Variants in TYW1B observed in about 807,000 individuals in gnomAD.
TYW1B encodes S-adenosyl-L-methionine-dependent tRNA 4-demethylwyosine synthase TYW1B.
In TYW1B, 73 loss-of-function variants were observed where a neutral mutation model predicts 86.9. The ratio of observed to expected loss-of-function variants is 0.84; its 90% CI spans 0.70 to 1.02. The LOEUF is 1.02. Among genes scored for constraint, TYW1B ranks in the 50% least tolerant of loss-of-function variants. The probability of loss-of-function intolerance (pLI) is 0.00; values close to 1 mark genes in which losing one functional copy is unlikely to be tolerated. For missense variants in TYW1B, 637 were observed against 827.4 expected (o/e 0.77, Z 2.82); for synonymous variants, 248 against 292.8 (o/e 0.85, Z 1.56).
At chr7:72,724,899 A>G (rs1786970300) in intron 9 of TYW1B, among the ~76,000 whole-genome samples, 1 of 152,192 alleles carries the variant, frequency 6.6e-6, no homozygotes, top group African/African-American at 2.4e-5. Context: ...ATGCATCCAT[A>G]GACGTGCTCT....
rs561671076 is a variant in TYW1B at position 72,648,648 on chromosome 7, A to G, written c.1507-19651T>C. 2.6e-5 allele frequency among the ~76,000 whole-genome samples: 4 copies of G among 152,310 alleles called. No individual in the cohort carries two copies. In the East Asian group the frequency reaches 7.7e-4, roughly 29 times the overall value. ...AGTAGAACCTAAGAAGATCATGCAC[A>G]TCAACTGAATCGTAGGACAGTGTGG... On this transcript the variant is annotated intron_variant, in intron 11 of 13. Coordinates refer to ENST00000620995, the MANE Select transcript of TYW1B (RefSeq NM_001145440.3).
At chr7:72,648,544 G>GA (rs1171338007) in intron 11 of TYW1B, among the ~76,000 whole-genome samples, 3,509 of 75,124 alleles carry the variant, frequency 0.047, 73 homozygotes, top group Middle Eastern at 0.078. Context: ...CTCTGTCTCA[G>GA]AAAAAAAAAA....
chr7:72,711,451 C>T (rs1462992673), intron 10 of TYW1B, among the ~76,000 whole-genome samples: 3 of 124,212 alleles, frequency 2.4e-5, no homozygotes, highest in Non-Finnish European at 3.3e-5. Flanking sequence ...AGCAGCCCTT[C>T]GTGTTTCTCT....
chr7:72,823,932 G>T lies in TYW1B; in HGVS notation c.135+2923C>A, dbSNP rs1267179198. ...TGTACACCTGGATTTGTTACCATCT[G>T]CAAGTATTCGTTTGATCTTTTTGAT... is the stretch of plus-strand genomic sequence containing the variant. On this transcript the variant is annotated intron_variant, in intron 2 of 13. Coordinates refer to ENST00000620995, the MANE Select transcript of TYW1B (RefSeq NM_001145440.3). 9.9e-5 allele frequency among the ~76,000 whole-genome samples: 15 copies of T among 152,214 alleles called. No individual in the cohort carries two copies. The East Asian group carries it at 2.9e-3, about 29-fold the overall frequency.
intron 7 of TYW1B, among the ~76,000 whole-genome samples, chr7:72,749,631 T>C (rs564797290): frequency 6.6e-6 from 1 of 152,144 alleles, no homozygotes; most frequent in Non-Finnish European, 1.5e-5. Flanking sequence ...ATTTTATTGA[T>C]ATTTTCAAAG....
At chr7:72,703,724 G>A (rs1229120574) in intron 10 of TYW1B, among the ~76,000 whole-genome samples, 5 of 151,758 alleles carry the variant, frequency 3.3e-5, no homozygotes, top group East Asian at 2.0e-4. Context: ...GTGTGGTGGC[G>A]CGCGCCGGTA....
At chr7:72,803,406 T>A (rs1434649861) in intron 5 of TYW1B, among the ~76,000 whole-genome samples, 20 of 152,072 alleles carry the variant, frequency 1.3e-4, no homozygotes, top group Admixed American at 1.2e-3. Flanking sequence ...GGAAGACACA[T>A]TTGCTGAGTA....
At chr7:72,800,141 C>T (rs1788379511) in intron 6 of TYW1B, among the ~76,000 whole-genome samples, 1 of 152,118 alleles carries the variant, frequency 6.6e-6, no homozygotes, top group African/African-American at 2.4e-5. Flanking sequence ...CAGCATTTAG[C>T]TCGCTCATCC....
intron 7 of TYW1B, among the ~76,000 whole-genome samples, chr7:72,775,742 AC>A (rs1198085545): frequency 6.6e-6 from 1 of 151,952 alleles, no homozygotes; most frequent in Non-Finnish European, 1.5e-5. Context: ...AAAAAAAAAA[AC>A]AAAAAACAAG....
chr7:72,753,078 T>C (rs782803864), intron 7 of TYW1B, among the ~76,000 whole-genome samples: 1 of 151,696 alleles, frequency 6.6e-6, no homozygotes, highest in African/African-American at 2.4e-5. Context: ...CATATCAATA[T>C]GAACTGTATT....
At chr7:72,623,573 C>T (rs1253721879) in intron 12 of TYW1B, among the ~76,000 whole-genome samples, 1 of 152,142 alleles carries the variant, frequency 6.6e-6, no homozygotes, top group Non-Finnish European at 1.5e-5. Context: ...AACCCTAGTC[C>T]TGTCTACTAG....
At chr7:72,718,476 G>A (rs2844072) in intron 9 of TYW1B, among the ~76,000 whole-genome samples, 107,055 of 151,666 alleles carry the variant, frequency 0.71, 38,497 homozygotes, top group Non-Finnish European at 0.77. Flanking sequence ...TAAATAAAAT[G>A]AAACACAAAG....
intron 8 of TYW1B, among the ~76,000 whole-genome samples, chr7:72,733,159 AACACACACACACACACACACAC>A (rs145935571): frequency 1.4e-5 from 2 of 147,110 alleles, no homozygotes. Context: ...CCAAACCTAA[AACACACACACACACACACACAC>A]ACACACACAC....
intron 11 of TYW1B, among the ~76,000 whole-genome samples, chr7:72,630,790 C>T (rs1554439708): frequency 6.6e-6 from 1 of 152,084 alleles, no homozygotes; most frequent in East Asian, 1.9e-4. Flanking sequence ...ACTTATAATT[C>T]AGAAATCTTC....
At position 72,811,841 on chromosome 7, in the gene TYW1B, G is replaced by A. The variant is rs1788625239; in HGVS notation, c.238-1176C>T. 3.3e-5 allele frequency among the ~76,000 whole-genome samples: 5 copies of A among 149,992 alleles called. No homozygotes were observed. The South Asian group carries it at 1.1e-3, about 32-fold the overall frequency. On this transcript the variant is annotated intron_variant, in intron 3 of 13. Transcript: ENST00000620995. ...GCAGGAAAACTGCTTTAGCCCAGGA[G>A]GCAGAGGCTGCAGTGGGCCACAATC...
Position 72,575,662 on chromosome 7 carries a change from T to C in TYW1B, c.1843A>G (p.Ile615Val). 1.2e-6 allele frequency: 2 copies of C among 1,613,472 alleles called. No individual in the cohort carries two copies. The highest frequency in any genetic ancestry group is 2.2e-5 in the East Asian group (1 of 44,856). Residue 615 changes from isoleucine (I) to valine (V), a missense_variant, in exon 14 of 14, where the codon ATC becomes GTC. Coordinates refer to ENST00000620995, the MANE Select transcript of TYW1B (RefSeq NM_001145440.3). ...CCACCACTATCTTCATATTCCTGGA[T>C]GAGCTCCTGGAAGCGGTTATAATCG... ...WIDYNRFQEL[I>V]QEYEDSGGSK... is the part of the protein sequence containing the mutation.
intron 7 of TYW1B, chr7:72,768,704 A>G (rs112566823): frequency 0.79 from 121,163 of 153,804 alleles, 47,959 homozygotes; most frequent in Non-Finnish European, 0.8. Flanking sequence ...GAAGAATGGC[A>G]TGAACCCGGG....
At chr7:72,691,539 T>TG (rs1814160285) in intron 11 of TYW1B, among the ~76,000 whole-genome samples, 1 of 152,214 alleles carries the variant, frequency 6.6e-6, no homozygotes, top group South Asian at 2.1e-4. Context: ...ATTCAGTTTT[T>TG]GGAACATTTT....
chr7:72,732,200 T>A (rs187548282), intron 8 of TYW1B, among the ~76,000 whole-genome samples: 33 of 152,256 alleles, frequency 2.2e-4, no homozygotes, highest in African/African-American at 7.5e-4. Context: ...GGCATCAACA[T>A]CACACTCTCT....
Sources: gnomAD v4.1 joint callset for allele counts (sites outside exome capture counted in the v4.1 genomes callset) on GRCh38, gnomAD v4.1.1 for gene constraint, MANE v1.5 for transcripts, NCBI Gene and HGNC (gene_info 2026-07-23, HGNC 2026-07-21) for gene names.